The following MGAT5B variants were observed in gnomAD, a reference collection of about 807,000 sequenced individuals.
MGAT5B encodes the protein N-acetylglucosaminyl-transferase Vb.
Under a neutral mutation model 95.1 loss-of-function variants are expected in MGAT5B, and 54 were observed. The observed-to-expected ratio is 0.57, with a 90% CI of 0.46 to 0.71. The LOEUF (loss-of-function observed/expected upper bound fraction) is 0.71. MGAT5B is among the 30% of genes least tolerant of loss of function. MGAT5B has a pLI of 0.00. For synonymous variants in MGAT5B, 464 were observed against 451.0 expected (o/e 1.03, Z -0.36); for missense variants, 935 against 1,088.6 (o/e 0.86, Z 1.99).
chr17:76,929,700 G>A (rs950865135), intron 10 of MGAT5B, among the ~76,000 whole-genome samples: 14 of 152,194 alleles, frequency 9.2e-5, no homozygotes, highest in African/African-American at 3.1e-4. Context: ...CAGAGTCCAG[G>A]AAGGAAGTCA....
At chr17:76,947,791 T>A in intron 16 of MGAT5B, 39 bp from the exon 17 acceptor site, 1 of 1,504,762 alleles carries the variant, frequency 6.6e-7, no homozygotes, top group Non-Finnish European at 8.9e-7. Flanking sequence ...CACACCTGGG[T>A]CGCACTTCCC....
intron 12 of MGAT5B, among the ~76,000 whole-genome samples, chr17:76,936,379 G>A (rs906537239): frequency 6.6e-6 from 1 of 152,208 alleles, no homozygotes; most frequent in Admixed American, 6.5e-5. Flanking sequence ...CTGCACTCCA[G>A]CCTGGGCGAC....
chr17:76,939,248 C>T (rs1361575940), intron 13 of MGAT5B, among the ~76,000 whole-genome samples: 1 of 151,788 alleles, frequency 6.6e-6, no homozygotes, highest in Non-Finnish European at 1.5e-5. Flanking sequence ...ACCTGTAATC[C>T]CAACACTTTG....
rs904863614 is a variant in MGAT5B, at chr17:76,868,605, G to A, written c.-425G>A. The A allele has an allele frequency of 6.8e-6, 1 of 147,350 alleles. No homozygotes were observed. The highest frequency in any genetic ancestry group is 1.5e-5 in the Non-Finnish European group (1 of 66,084). 9.1% of individuals were successfully genotyped at this position (147,350 alleles called of 1,614,324 possible). A position where few individuals can be genotyped will look rare whatever the true frequency, so the allele number is the denominator to read the frequency against. ...CGCGGCCCGGAGGCGCTGGGGACCG[G>A]GGCGCGGGCCCGGGGCCGCCTTTAG... is the stretch of plus-strand genomic sequence containing the variant. On this transcript the variant is annotated 5_prime_UTR_variant, in exon 1 of 18. Transcript: ENST00000569840. This position sits in a 1 kb window ranked among gnomAD's most constrained non-coding sequence, Gnocchi z 6.3.
At chr17:76,901,467 A>G (rs1282693178) in intron 3 of MGAT5B, among the ~76,000 whole-genome samples, 1 of 152,000 alleles carries the variant, frequency 6.6e-6, no homozygotes, top group African/African-American at 2.4e-5. Context: ...GTGTGAGAAG[A>G]TCTGCCAGCT....
At chr17:76,898,762 G>A (rs1333951605) in intron 3 of MGAT5B, among the ~76,000 whole-genome samples, 3 of 152,166 alleles carry the variant, frequency 2.0e-5, no homozygotes, top group East Asian at 3.8e-4. Context: ...GTGGTGATCT[G>A]TGAGATTTTG....
In MGAT5B at chr17:76,940,919, C is replaced by T. The variant is rs562560924; in HGVS notation, c.1848+71C>T. 94 of 1,334,770 alleles carry T rather than the reference C, an allele frequency of 7.0e-5. No homozygotes were observed. Among genetic ancestry groups the T allele is most frequent in the Non-Finnish European group, 8.9e-5 (84 of 939,140 alleles). The allele number at this position is 1,334,770 out of a possible 1,614,324, so 82.7% of individuals were successfully genotyped here. Reference sequence around the variant, plus strand: ...GCTGGTCTTCACTCTGATTAGAAAACGGTGCCCCCCTCTGGGTGAGTTCAG... The same window carrying T: ...GCTGGTCTTCACTCTGATTAGAAAATGGTGCCCCCCTCTGGGTGAGTTCAG... On this transcript the variant is annotated intron_variant, in intron 15 of 17. Transcript: ENST00000569840. This position sits in a 1 kb window ranked among gnomAD's most constrained non-coding sequence, Gnocchi z 4.3.
intron 10 of MGAT5B, among the ~76,000 whole-genome samples, chr17:76,932,313 A>G (rs1056141850): frequency 3.4e-4 from 52 of 151,788 alleles, no homozygotes; most frequent in African/African-American, 1.2e-3. Context: ...TTAAATTTTT[A>G]AATAGAGACA....
At chr17:76,926,857 C>T (rs1344473881) in intron 10 of MGAT5B, 127 bp downstream of exon 10, 1 of 1,194,658 alleles carries the variant, frequency 8.4e-7, no homozygotes, top group Non-Finnish European at 1.2e-6. Context: ...GTTGGTGGGA[C>T]CCAGCAAGCA....
chr17:76,939,506 C>A (rs999279197), intron 13 of MGAT5B, among the ~76,000 whole-genome samples: 1 of 115,940 alleles, frequency 8.6e-6, no homozygotes, highest in Non-Finnish European at 1.8e-5. Flanking sequence ...GAGCAAGACT[C>A]CGTCTCAAAA....
chr17:76,928,815 C>T (rs553422247), intron 10 of MGAT5B, among the ~76,000 whole-genome samples: 7 of 152,082 alleles, frequency 4.6e-5, no homozygotes, highest in African/African-American at 1.4e-4. Context: ...GGTGTTTTAG[C>T]CAAGGTTCCT....
intron 4 of MGAT5B, 50 bp downstream of exon 4, chr17:76,902,720 CT>C: frequency 3.5e-6 from 3 of 850,478 alleles, no homozygotes; most frequent in Non-Finnish European, 5.4e-6. Flanking sequence ...GGCCAATGAA[CT>C]GGGTGCTGGG....
intron 8 of MGAT5B, among the ~76,000 whole-genome samples, chr17:76,922,316 C>G (rs1054467127): frequency 6.6e-6 from 1 of 152,164 alleles, no homozygotes; most frequent in African/African-American, 2.4e-5. Flanking sequence ...GCAGCCACCC[C>G]CTTCCTGGTT....
chr17:76,899,422 T>G (rs1323906684), intron 3 of MGAT5B, among the ~76,000 whole-genome samples: 2 of 151,898 alleles, frequency 1.3e-5, no homozygotes, highest in Admixed American at 6.6e-5. Context: ...GGCGGGAGGA[T>G]CACTTGAGCC....
Position 76,905,999 on chromosome 17 carries a change from C to T in MGAT5B, c.856-19C>T, listed in dbSNP as rs372491034. 2.5e-6 allele frequency: 4 copies of T among 1,587,856 alleles called. No homozygotes were observed. Among genetic ancestry groups the T allele is most frequent in the African/African-American group, 2.8e-5 (2 of 72,688 alleles). On this transcript the variant is annotated intron_variant, in intron 7 of 17. Transcript: ENST00000569840. This position sits in a 1 kb window ranked among gnomAD's most constrained non-coding sequence, Gnocchi z 4.2. ...GCTGCTGCTCCTCTCTGCTGACCCT[C>T]TGTGTTCCGCCCACCCAGATCCTGG...
chr17:76,916,031 C>T lies in MGAT5B; in HGVS notation c.1026-8935C>T, dbSNP rs983433818. ...GCAGGCGCCGGCATGCCGAGTGTGG[C>T]GGGGTCACGTTGAGTGCCGCCAAAT... On this transcript the variant is annotated intron_variant, in intron 8 of 17. Transcript: ENST00000569840. The surrounding 1 kb of genome is among the most constrained non-coding windows in gnomAD (Gnocchi z 5.3). Among the ~76,000 whole-genome samples, 13 of 152,346 alleles carry T rather than the reference C, an allele frequency of 8.5e-5. No individual in the cohort carries two copies. The highest frequency in any genetic ancestry group is 5.8e-4 in the East Asian group (3 of 5,176).
chr17:76,873,004 C>T (rs1248075013), intron 2 of MGAT5B, 41 bp downstream of exon 2: 30 of 1,601,780 alleles, frequency 1.9e-5, no homozygotes, highest in African/African-American at 5.4e-5. Flanking sequence ...TGAGTGAGGG[C>T]GTTTGTGGGT....
Position 76,894,687 on chromosome 17 carries a change from T to C in MGAT5B, c.330-7868T>C, listed in dbSNP as rs533554563. 3.4e-3 allele frequency among the ~76,000 whole-genome samples: 521 copies of C among 151,982 alleles called. 3 individuals are homozygous for C. Among genetic ancestry groups the C allele is most frequent in the African/African-American group, 0.012 (495 of 41,426 alleles). On this transcript the variant is annotated intron_variant, in intron 3 of 17. Transcript: ENST00000569840. The stretch of plus-strand genomic sequence containing the variant: ...TGGCCAAGATGGTGAAACTTCCATC[T>C]CTACTAAAAATACAAAAATTAGCTG...
At chr17:76,882,370 T>G in intron 3 of MGAT5B, 72 bp downstream of exon 3, 1 of 1,494,946 alleles carries the variant, frequency 6.7e-7, no homozygotes, top group African/African-American at 1.4e-5. Context: ...CGGGGTGCTG[T>G]CCGTCATCTC....
Sources: gnomAD v4.1 joint callset for allele counts (sites outside exome capture counted in the v4.1 genomes callset) on GRCh38, gnomAD v4.1.1 for gene constraint, Gnocchi (gnomAD v3.1) non-coding constraint, MANE v1.5 for transcripts, NCBI Gene and HGNC (gene_info 2026-07-23, HGNC 2026-07-21) for gene names.